Variants in CD58 observed in about 807,000 individuals in gnomAD.
The protein encoded by CD58 is lymphocyte function-associated antigen 3.
Under a neutral mutation model 27.6 loss-of-function variants are expected in CD58, and 14 were observed. That is an observed-to-expected ratio of 0.51 (90% CI 0.34 to 0.79). The LOEUF is 0.79. Among genes scored for constraint, CD58 ranks in the 30% least tolerant of loss-of-function variants. The probability of loss-of-function intolerance (pLI) is 0.02; values close to 1 mark genes in which losing one functional copy is unlikely to be tolerated. For missense variants in CD58, 268 were observed against 301.7 expected (o/e 0.89, Z 0.83); for synonymous variants, 117 against 103.8 (o/e 1.13, Z -0.77).
At chr1:116,530,298 C>T (rs1051802747) in intron 3 of CD58, among the ~76,000 whole-genome samples, 7 of 151,908 alleles carry the variant, frequency 4.6e-5, no homozygotes, top group Non-Finnish European at 8.8e-5. Context: ...CTCCGCCTCC[C>T]GGGTTCATGC....
At chr1:116,548,512 A>G (rs994976563) in intron 1 of CD58, among the ~76,000 whole-genome samples, 4 of 152,146 alleles carry the variant, frequency 2.6e-5, no homozygotes, top group Admixed American at 2.0e-4. Context: ...ATTCTTCTAC[A>G]CCTTATGCTT....
chr1:116,551,187 G>A (rs1658377336), intron 1 of CD58, among the ~76,000 whole-genome samples: 1 of 152,182 alleles, frequency 6.6e-6, no homozygotes, highest in Non-Finnish European at 1.5e-5. Context: ...AGAGTCAGCT[G>A]TCCTTTCAAG....
chr1:116,566,467 C>T (rs1557846029), intron 1 of CD58, among the ~76,000 whole-genome samples: 1 of 152,178 alleles, frequency 6.6e-6, no homozygotes, highest in South Asian at 2.1e-4. Context: ...GACTCTGGTA[C>T]CTGTGGGCAC....
Position 116,559,146 on chromosome 1 carries a change from T to C in CD58, c.70+11757A>G, listed in dbSNP as rs558036617. On this transcript the variant is annotated intron_variant, in intron 1 of 5. Coordinates refer to ENST00000369489, the MANE Select transcript of CD58 (RefSeq NM_001779.3). The surrounding 1 kb of genome is among the most constrained non-coding windows in gnomAD (Gnocchi z 4.4). ...AGTACTGGTAAGGAAAGGAGTTGGA[T>C]GGCATGGGGGGCAGTCATAAGTTGG... Among the ~76,000 whole-genome samples the C allele has an allele frequency of 1.3e-5, 2 of 152,150 alleles. No homozygotes were observed. Among genetic ancestry groups the C allele is most frequent in the African/African-American group, 4.8e-5 (2 of 41,502 alleles).
rs78267638 is a variant in CD58, at chr1:116,568,633, G to A, written c.70+2270C>T. 6.7e-3 allele frequency among the ~76,000 whole-genome samples: 1,024 copies of A among 152,280 alleles called. 9 individuals are homozygous for A. The highest frequency in any genetic ancestry group is 0.023 in the African/African-American group (954 of 41,538). On this transcript the variant is annotated intron_variant, in intron 1 of 5. Coordinates refer to ENST00000369489, the MANE Select transcript of CD58 (RefSeq NM_001779.3). ...CTGTGCATAGCTTGCTGTATCCCCCGTCCATTGTGCAGTGCTTAACATATA... is the reference window on the plus strand; with the variant it reads ...CTGTGCATAGCTTGCTGTATCCCCCATCCATTGTGCAGTGCTTAACATATA...
chr1:116,520,556 T>C (rs960851358), intron 4 of CD58, among the ~76,000 whole-genome samples: 1 of 151,866 alleles, frequency 6.6e-6, no homozygotes, highest in Admixed American at 6.6e-5. Flanking sequence ...TGAAGTTCTA[T>C]GGAAACTCAG....
rs1347458582 is a variant in CD58 at position 116,559,745 on chromosome 1, T to A, written c.70+11158A>T. Among the ~76,000 whole-genome samples, 1 of 152,218 alleles carries A rather than the reference T, an allele frequency of 6.6e-6. No homozygotes were observed. The highest frequency in any genetic ancestry group is 1.5e-5 in the Non-Finnish European group (1 of 68,028). On this transcript the variant is annotated intron_variant, in intron 1 of 5. Transcript: ENST00000369489. The surrounding 1 kb of genome is among the most constrained non-coding windows in gnomAD (Gnocchi z 4.4). ...AGAATTAAGATGTTGGTTCTCTAAA[T>A]CAACTTCTTTCTGTACTTTCCTTCT...
intron 3 of CD58, among the ~76,000 whole-genome samples, chr1:116,530,685 G>GA (rs375405764): frequency 1.8e-3 from 275 of 152,080 alleles, no homozygotes; most frequent in African/African-American, 6.5e-3. Context: ...ATCAAAACCT[G>GA]AAAAAGTAAG....
chr1:116,560,884 C>T (rs1658729284), intron 1 of CD58, among the ~76,000 whole-genome samples: 1 of 152,194 alleles, frequency 6.6e-6, no homozygotes, highest in African/African-American at 2.4e-5. Context: ...GAAACGGCTG[C>T]ATCCTGGTTT....
intron 3 of CD58, among the ~76,000 whole-genome samples, chr1:116,529,655 C>T (rs184851784): frequency 6.6e-6 from 1 of 152,314 alleles, no homozygotes; most frequent in East Asian, 1.9e-4. Context: ...ACCCACACCA[C>T]TGGGTTGTTG....
intron 1 of CD58, among the ~76,000 whole-genome samples, chr1:116,568,569 T>A (rs886175575): frequency 6.6e-6 from 1 of 152,220 alleles, no homozygotes; most frequent in African/African-American, 2.4e-5. Context: ...TTACTGTCTC[T>A]CTCCCTCACT....
At position 116,524,614 on chromosome 1, in the gene CD58, A is replaced by C. The variant is rs1349796418; in HGVS notation, c.629-2631T>G. Among the ~76,000 whole-genome samples, 1 of 152,202 alleles carries C rather than the reference A, an allele frequency of 6.6e-6. No homozygotes were observed. The highest frequency in any genetic ancestry group is 2.4e-5 in the African/African-American group (1 of 41,456). ...ACTTAACCTAATCAATTTACAGCTG[A>C]ATCTCCTTTCTTTCATGCCAAACAT... On this transcript the variant is annotated intron_variant, in intron 3 of 5. Coordinates refer to ENST00000369489, the MANE Select transcript of CD58 (RefSeq NM_001779.3). This position sits in a 1 kb window ranked among gnomAD's most constrained non-coding sequence, Gnocchi z 4.6.
intron 1 of CD58, among the ~76,000 whole-genome samples, chr1:116,549,716 A>C (rs928725125): frequency 6.6e-6 from 1 of 152,208 alleles, no homozygotes; most frequent in African/African-American, 2.4e-5. Flanking sequence ...ACCCCATAAC[A>C]ATCTCCAGTT....
At chr1:116,549,305 G>A (rs1397861521) in intron 1 of CD58, among the ~76,000 whole-genome samples, 2 of 152,148 alleles carry the variant, frequency 1.3e-5, no homozygotes, top group African/African-American at 4.8e-5. Flanking sequence ...ACTAACAAGG[G>A]GTTAGGGAAG....
rs978619175 is a variant in CD58, at chr1:116,532,536, T to G, written c.628+3429A>C. 1.3e-5 allele frequency among the ~76,000 whole-genome samples: 2 copies of G among 152,196 alleles called. No individual in the cohort carries two copies. Among genetic ancestry groups the G allele is most frequent in the Admixed American group, 6.5e-5 (1 of 15,280 alleles). On this transcript the variant is annotated intron_variant, in intron 3 of 5. Coordinates refer to ENST00000369489, the MANE Select transcript of CD58 (RefSeq NM_001779.3). The surrounding 1 kb of genome is among the most constrained non-coding windows in gnomAD (Gnocchi z 5.1). ...ATGAAAGGAAAGAATTCAGTCCAAC[T>G]GCAGGAGTGGTAGGAGAGGTTCTAG...
rs1657335208 is a variant in CD58 at position 116,523,561 on chromosome 1, T to G, written c.629-1578A>C. On this transcript the variant is annotated intron_variant, in intron 3 of 5. Transcript: ENST00000369489. The surrounding 1 kb of genome is among the most constrained non-coding windows in gnomAD (Gnocchi z 4.4). Reference sequence around the variant, plus strand: ...AGGTGCCCCCGAACATCATTTTCCCTTCTTTAGTAGCAAAATTCAGATATT... The same window carrying G: ...AGGTGCCCCCGAACATCATTTTCCCGTCTTTAGTAGCAAAATTCAGATATT... Among the ~76,000 whole-genome samples the G allele has an allele frequency of 6.6e-6, 1 of 152,194 alleles. No individual in the cohort carries two copies. The highest frequency in any genetic ancestry group is 6.5e-5 in the Admixed American group (1 of 15,272).
At position 116,559,270 on chromosome 1, in the gene CD58, A is replaced by G. The variant is rs1429564526; in HGVS notation, c.70+11633T>C. Among the ~76,000 whole-genome samples the G allele has an allele frequency of 6.6e-6, 1 of 152,152 alleles. No individual in the cohort carries two copies. Among genetic ancestry groups the G allele is most frequent in the Non-Finnish European group, 1.5e-5 (1 of 68,022 alleles). On this transcript the variant is annotated intron_variant, in intron 1 of 5. Coordinates refer to ENST00000369489, the MANE Select transcript of CD58 (RefSeq NM_001779.3). The surrounding 1 kb of genome is among the most constrained non-coding windows in gnomAD (Gnocchi z 4.4). ...TTCTTGAGAACACGCCTATCAAAGT[A>G]AGGTGGTTTGCTCCGCTGGACACTT...
rs1414518510 is a variant in CD58 at position 116,536,714 on chromosome 1, T to G, written c.365-486A>C. Among the ~76,000 whole-genome samples, 1 of 152,212 alleles carries G rather than the reference T, an allele frequency of 6.6e-6. No individual in the cohort carries two copies. Among genetic ancestry groups the G allele is most frequent in the Non-Finnish European group, 1.5e-5 (1 of 68,040 alleles). On this transcript the variant is annotated intron_variant, in intron 2 of 5. Transcript: ENST00000369489. The surrounding 1 kb of genome is among the most constrained non-coding windows in gnomAD (Gnocchi z 5.4). ...CAGCCATGTGGAACTGTGAGTCAAT[T>G]AAACCTCTTTTCTTTATAAATTACC...
rs569857049 is a variant in CD58, at chr1:116,528,010, G to A, written c.629-6027C>T. Reference sequence around the variant, plus strand: ...ACTCTCAGCCTCAAGCAATCCTCCCGTCTTGGCCTCACAAAGTGTTGGGAT... The same window carrying A: ...ACTCTCAGCCTCAAGCAATCCTCCCATCTTGGCCTCACAAAGTGTTGGGAT... On this transcript the variant is annotated intron_variant, in intron 3 of 5. Coordinates refer to ENST00000369489, the MANE Select transcript of CD58 (RefSeq NM_001779.3). This position sits in a 1 kb window ranked among gnomAD's most constrained non-coding sequence, Gnocchi z 4.4. Among the ~76,000 whole-genome samples, 11 of 152,208 alleles carry A rather than the reference G, an allele frequency of 7.2e-5. No homozygotes were observed. The South Asian group carries it at 8.3e-4, about 11-fold the overall frequency.
Sources: allele counts gnomAD v4.1 joint callset (sites outside exome capture counted in the v4.1 genomes callset), GRCh38; gene constraint gnomAD v4.1.1; non-coding constraint Gnocchi (gnomAD v3.1); transcripts MANE v1.5; gene names NCBI Gene and HGNC (gene_info 2026-07-23, HGNC 2026-07-21).